Variants in PLXDC2 observed in about 807,000 individuals in gnomAD.
PLXDC2 encodes the protein plexin domain-containing protein 2.
PLXDC2 carries 40 observed loss-of-function variants against 68.9 expected under a neutral mutation model. That is an observed-to-expected ratio of 0.58 (90% confidence interval 0.45 to 0.76). PLXDC2 has a LOEUF of 0.76. Among genes scored for constraint, PLXDC2 ranks in the 30% least tolerant of loss-of-function variants. PLXDC2 has a pLI of 0.00. For missense variants in PLXDC2, 644 were observed against 661.9 expected, an observed-to-expected ratio of 0.97 and a Z score of 0.30; for synonymous variants, 243 against 234.2, an observed-to-expected ratio of 1.04 and a Z score of -0.34.
chr10:19,908,570 T>C (rs1833209309), intron 1 of PLXDC2, among the ~76,000 whole-genome samples: 1 of 152,108 alleles, frequency 6.6e-6, no homozygotes, highest in African/African-American at 2.4e-5. Context: ...TTAACACTCC[T>C]AAAAAATGCA....
At chr10:19,956,536 A>C (rs965768594) in intron 1 of PLXDC2, among the ~76,000 whole-genome samples, 1 of 152,216 alleles carries the variant, frequency 6.6e-6, no homozygotes, top group Non-Finnish European at 1.5e-5. Context: ...GCTCTCAAAG[A>C]AACCTTTGGA....
chr10:20,261,946 G>A (rs1415563494), intron 13 of PLXDC2, among the ~76,000 whole-genome samples: 1 of 152,134 alleles, frequency 6.6e-6, no homozygotes, highest in Non-Finnish European at 1.5e-5. Context: ...ATCTAGGAGT[G>A]GCCAGCATGG....
At chr10:20,132,644 G>A (rs1833882661) in intron 4 of PLXDC2, among the ~76,000 whole-genome samples, 1 of 151,040 alleles carries the variant, frequency 6.6e-6, no homozygotes, top group South Asian at 2.1e-4. Flanking sequence ...ATATAGTTAC[G>A]GCTACTCCTG....
At chr10:19,854,187 A>C (rs919127695) in intron 1 of PLXDC2, among the ~76,000 whole-genome samples, 1 of 152,186 alleles carries the variant, frequency 6.6e-6, no homozygotes, top group Non-Finnish European at 1.5e-5. Flanking sequence ...GGGCGAGTGG[A>C]TGAGGCCTGG....
intron 1 of PLXDC2, among the ~76,000 whole-genome samples, chr10:19,954,829 C>T (rs1271967375): frequency 6.6e-6 from 1 of 152,104 alleles, no homozygotes; most frequent in Non-Finnish European, 1.5e-5. Context: ...ATCAGAACAC[C>T]TTTTGGTCTA....
chr10:19,998,499 T>C (rs1834877688), intron 1 of PLXDC2, among the ~76,000 whole-genome samples: 1 of 152,174 alleles, frequency 6.6e-6, no homozygotes, highest in Non-Finnish European at 1.5e-5. Flanking sequence ...CCTTGTTTAT[T>C]CATGACATAA....
chr10:19,964,741 G>A (rs962403858), intron 1 of PLXDC2, among the ~76,000 whole-genome samples: 1 of 147,376 alleles, frequency 6.8e-6, no homozygotes, highest in Admixed American at 6.7e-5. Flanking sequence ...ATTTGTTTTT[G>A]TTTTTTTTTT....
rs1836353338 is a variant in PLXDC2 at position 19,816,914 on chromosome 10, T to A, written c.-166T>A. The A allele has an allele frequency of 5.0e-6, 3 of 605,354 alleles. No individual in the cohort carries two copies. The highest frequency in any genetic ancestry group is 8.8e-6 in the Non-Finnish European group (3 of 342,250). 37.5% of individuals were successfully genotyped at this position (605,354 alleles called of 1,614,324 possible). A position where few individuals can be genotyped will look rare whatever the true frequency, so the allele number is the denominator to read the frequency against. ...TGCGCTCCTACTCGCGTTCGCTTCT[T>A]CCTCTTCTCGGTTCCCTACTGTGAA... On this transcript the variant is annotated 5_prime_UTR_variant, in exon 1 of 14. Transcript: ENST00000377252.
chr10:20,059,413 A>T (rs575813124), intron 3 of PLXDC2, among the ~76,000 whole-genome samples: 4 of 152,282 alleles, frequency 2.6e-5, no homozygotes, highest in African/African-American at 9.6e-5. Context: ...AGATATGGTG[A>T]TTGTTCACTT....
chr10:19,871,898 A>C (rs12570173), intron 1 of PLXDC2, among the ~76,000 whole-genome samples: 2,844 of 150,990 alleles, frequency 0.019, 121 homozygotes, highest in East Asian at 0.15. Context: ...AAAAAAAAAA[A>C]ACACAAAAAA....
chr10:19,837,418 G>C (rs1052623445), intron 1 of PLXDC2, among the ~76,000 whole-genome samples: 4 of 121,432 alleles, frequency 3.3e-5, no homozygotes, highest in African/African-American at 1.3e-4. Flanking sequence ...GAGTGTGTGT[G>C]TGTGTGTGTG....
intron 2 of PLXDC2, among the ~76,000 whole-genome samples, chr10:20,009,010 G>A (rs1344156750): frequency 6.6e-6 from 1 of 152,074 alleles, no homozygotes; most frequent in African/African-American, 2.4e-5. Context: ...CTTGAAAACG[G>A]ACTAATACAA....
chr10:19,919,599 C>A (rs925032749), intron 1 of PLXDC2, among the ~76,000 whole-genome samples: 1 of 152,170 alleles, frequency 6.6e-6, no homozygotes, highest in Non-Finnish European at 1.5e-5. Context: ...TATGTATTGT[C>A]CTCACAGTTA....
intron 1 of PLXDC2, among the ~76,000 whole-genome samples, chr10:19,837,804 G>A (rs1836828049): frequency 6.6e-6 from 1 of 152,056 alleles, no homozygotes; most frequent in African/African-American, 2.4e-5. Flanking sequence ...TTTGTCACAT[G>A]CTTCCACATA....
chr10:19,966,923 G>C (rs931189689), intron 1 of PLXDC2, among the ~76,000 whole-genome samples: 6 of 152,210 alleles, frequency 3.9e-5, no homozygotes, highest in Non-Finnish European at 8.8e-5. Flanking sequence ...ATCACAGCTG[G>C]TGCTGGGTCG....
chr10:20,166,213 A>T (rs1234485737), intron 7 of PLXDC2, among the ~76,000 whole-genome samples: 2 of 152,144 alleles, frequency 1.3e-5, no homozygotes, highest in Admixed American at 6.5e-5. Flanking sequence ...CAGAAATATT[A>T]TAAGGGTTAT....
chr10:19,992,587 G>A (rs1026254593), intron 1 of PLXDC2, among the ~76,000 whole-genome samples: 6 of 152,030 alleles, frequency 3.9e-5, no homozygotes, highest in African/African-American at 1.4e-4. Flanking sequence ...AAATTGTCTT[G>A]AATTTCATTT....
chr10:19,992,768 T>C (rs1834771841), intron 1 of PLXDC2, among the ~76,000 whole-genome samples: 1 of 152,222 alleles, frequency 6.6e-6, no homozygotes, highest in Admixed American at 6.5e-5. Flanking sequence ...CATTTCCTTC[T>C]ATTAACAGAG....
chr10:19,999,852 A>G (rs1441846735), intron 1 of PLXDC2, among the ~76,000 whole-genome samples: 2 of 152,210 alleles, frequency 1.3e-5, no homozygotes, highest in African/African-American at 4.8e-5. Context: ...ACACATTCTC[A>G]GGAAAAGCTG....
Sources: allele counts gnomAD v4.1 joint callset (sites outside exome capture counted in the v4.1 genomes callset), GRCh38; gene constraint gnomAD v4.1.1; transcripts MANE v1.5; gene names NCBI Gene and HGNC (gene_info 2026-07-23, HGNC 2026-07-21).